Variants in FRK observed in about 807,000 individuals in gnomAD.
FRK encodes the protein tyrosine-protein kinase FRK.
FRK carries 51 observed loss-of-function variants against 56.4 expected under a neutral mutation model. That is an observed-to-expected ratio of 0.90 (90% confidence interval 0.72 to 1.14). FRK has a LOEUF of 1.14. Among genes scored for constraint, FRK ranks in the 50% most tolerant of loss-of-function variants. FRK has a pLI of 0.00. For missense variants in FRK, 570 were observed against 601.4 expected, an observed-to-expected ratio of 0.95 and a Z score of 0.55; for synonymous variants, 245 against 217.9, an observed-to-expected ratio of 1.12 and a Z score of -1.10.
chr6:116,040,922 A>T (rs1441316342), intron 1 of FRK, among the ~76,000 whole-genome samples: 2 of 152,130 alleles, frequency 1.3e-5, no homozygotes, highest in Non-Finnish European at 2.9e-5. Context: ...ATTTTATAAT[A>T]CTAAAAATTT....
chr6:116,032,925 T>A (rs1322673404), intron 1 of FRK, among the ~76,000 whole-genome samples: 2 of 152,066 alleles, frequency 1.3e-5, no homozygotes, highest in African/African-American at 4.8e-5. Context: ...AAATAAAAAT[T>A]TTTAAATTAT....
chr6:116,048,830 A>G (rs970514169), intron 1 of FRK, among the ~76,000 whole-genome samples: 39 of 152,364 alleles, frequency 2.6e-4, no homozygotes, highest in Middle Eastern at 6.8e-3. Context: ...AAAAATAGTG[A>G]TAAGAAAATT....
intron 2 of FRK, among the ~76,000 whole-genome samples, chr6:115,980,940 C>A (rs1254128558): frequency 6.6e-6 from 1 of 152,002 alleles, no homozygotes; most frequent in East Asian, 1.9e-4. Flanking sequence ...TATCTCTGTT[C>A]TTTTTCATTG....
At chr6:116,098,418 G>A in the FRK span, among the ~76,000 whole-genome samples, 3 of 152,090 alleles carry the variant, frequency 2.0e-5, no homozygotes, top group Non-Finnish European at 4.4e-5. Flanking sequence ...GCAGACAGCC[G>A]TGGTTTTGTG....
At chr6:116,004,763 A>T (rs893591840) in intron 1 of FRK, among the ~76,000 whole-genome samples, 2 of 152,184 alleles carry the variant, frequency 1.3e-5, no homozygotes, top group African/African-American at 4.8e-5. Flanking sequence ...TGGATCATTA[A>T]TATCAAAGCC....
chr6:115,977,802 C>T (rs1325837645), intron 2 of FRK, among the ~76,000 whole-genome samples: 1 of 152,040 alleles, frequency 6.6e-6, no homozygotes, highest in African/African-American at 2.4e-5. Context: ...TCTAAAGACC[C>T]CAATAGTCCA....
chr6:115,945,816 C>T (rs1277761473), intron 5 of FRK, among the ~76,000 whole-genome samples: 1 of 152,004 alleles, frequency 6.6e-6, no homozygotes, highest in African/African-American at 2.4e-5. Flanking sequence ...ATGCACATAC[C>T]TTCAATAGGC....
At chr6:116,004,887 A>T (rs1775194647) in intron 1 of FRK, among the ~76,000 whole-genome samples, 1 of 152,216 alleles carries the variant, frequency 6.6e-6, no homozygotes, top group Non-Finnish European at 1.5e-5. Context: ...AATGGTCATC[A>T]TCATTAAAGA....
At chr6:116,025,538 T>C (rs548606478) in intron 1 of FRK, among the ~76,000 whole-genome samples, 1 of 152,274 alleles carries the variant, frequency 6.6e-6, no homozygotes, top group Non-Finnish European at 1.5e-5. Flanking sequence ...CATGAACTTA[T>C]ACCTAGACCA....
At chr6:116,022,756 C>T (rs868084915) in intron 1 of FRK, among the ~76,000 whole-genome samples, 1 of 152,068 alleles carries the variant, frequency 6.6e-6, no homozygotes, top group Non-Finnish European at 1.5e-5. Flanking sequence ...TTTATATACA[C>T]GGATGCAGAC....
At chr6:115,993,292 TAA>T (rs1190988323) in intron 2 of FRK, among the ~76,000 whole-genome samples, 1 of 151,878 alleles carries the variant, frequency 6.6e-6, no homozygotes, top group Non-Finnish European at 1.5e-5. Flanking sequence ...ACTTTTTAAA[TAA>T]GTTATGAGAA....
intron 4 of FRK, among the ~76,000 whole-genome samples, chr6:115,958,077 G>A (rs1258947723): frequency 2.6e-5 from 4 of 152,134 alleles, no homozygotes; most frequent in Admixed American, 6.5e-5. Context: ...TCTCTTTTCC[G>A]TTACATGTTT....
intron 2 of FRK, among the ~76,000 whole-genome samples, chr6:115,983,346 T>TTA (rs1774278325): frequency 6.6e-6 from 1 of 152,218 alleles, no homozygotes; most frequent in Admixed American, 6.5e-5. Context: ...AGCAAGCACT[T>TTA]TTAGGCAGCT....
the FRK span, among the ~76,000 whole-genome samples, chr6:116,074,769 T>C: frequency 6.6e-6 from 1 of 152,108 alleles, no homozygotes; most frequent in East Asian, 1.9e-4. Flanking sequence ...ATCACAGCCC[T>C]ATGAAGGGAT....
chr6:115,979,400 T>C (rs540476930), intron 2 of FRK, among the ~76,000 whole-genome samples: 16 of 152,260 alleles, frequency 1.1e-4, no homozygotes, highest in Non-Finnish European at 2.4e-4. Flanking sequence ...CAAGAGAATA[T>C]TTTTGTAGAG....
At chr6:115,997,392 T>C (rs957833565) in intron 2 of FRK, among the ~76,000 whole-genome samples, 4 of 151,814 alleles carry the variant, frequency 2.6e-5, no homozygotes, top group Admixed American at 2.6e-4. Context: ...GGAAATTTTA[T>C]CATAGAAAGT....
the FRK span, among the ~76,000 whole-genome samples, chr6:116,095,142 T>C: frequency 8.5e-4 from 130 of 152,316 alleles, 2 homozygotes; most frequent in African/African-American, 3.1e-3. Flanking sequence ...ATCTAAATCT[T>C]AATTAATTAC....
intron 1 of FRK, among the ~76,000 whole-genome samples, chr6:116,054,529 TATATAGTATA>T (rs1186251660): frequency 1.4e-5 from 2 of 145,314 alleles, no homozygotes; most frequent in Admixed American, 7.0e-5. Context: ...TATTATATAT[TATATAGTATA>T]ATATAGTATA....
chr6:116,038,922 C>T, intron 1 of FRK: 1 of 631,314 alleles, frequency 1.6e-6, no homozygotes, highest in Non-Finnish European at 3.1e-6. Flanking sequence ...GAAGCTAGAG[C>T]CCAAGATTGC....
Sources: allele counts gnomAD v4.1 joint callset (sites outside exome capture counted in the v4.1 genomes callset), GRCh38; gene constraint gnomAD v4.1.1; transcripts MANE v1.5; gene names NCBI Gene and HGNC (gene_info 2026-07-23, HGNC 2026-07-21).